Variants in DACH2 observed in about 807,000 individuals in gnomAD.
The protein encoded by DACH2 is dachshund homolog 2.
DACH2 carries 17 observed loss-of-function variants against 35.8 expected under a neutral mutation model. The observed-to-expected ratio is 0.48, with a 90% CI of 0.33 to 0.71. The LOEUF (loss-of-function observed/expected upper bound fraction) is 0.71. Among genes scored for constraint, DACH2 ranks in the 30% least tolerant of loss-of-function variants. The pLI is 0.02. For missense variants in DACH2, 469 were observed against 472.7 expected, an observed-to-expected ratio of 0.99 and a Z score of 0.07; for synonymous variants, 195 against 177.3, an observed-to-expected ratio of 1.10 and a Z score of -0.79.
At chrX:86,311,976 T>C (rs1000396590) in intron 1 of DACH2, among the ~76,000 whole-genome samples, 4 of 111,026 alleles carry the variant, frequency 3.6e-5, no homozygotes, top group African/African-American at 1.3e-4. Context: ...CCAGGCAGGA[T>C]TACAAATGAT....
At chrX:86,606,065 C>A (rs544979794) in intron 3 of DACH2, among the ~76,000 whole-genome samples, 2 of 110,715 alleles carry the variant, frequency 1.8e-5, no homozygotes, top group South Asian at 7.5e-4. Context: ...TGTTTCTTGG[C>A]AATGGTTTGT....
chrX:86,148,802 G>A lies in DACH2; in HGVS notation c.182G>A (p.Gly61Asp). ...AACAGTGCCGGAGGCGGCGGCAGGGGCAACACCAACACCAACGAGTGCCGC... is the reference window on the plus strand; with the variant it reads ...AACAGTGCCGGAGGCGGCGGCAGGGACAACACCAACACCAACGAGTGCCGC... ...HSNSAGGGGR[G>D]NTNTNECRMV... Residue 61 changes from glycine to aspartate, a missense_variant, in exon 1 of 12, where the codon GGC (glycine) becomes GAC (aspartate). By Grantham distance (94) the Gly-to-Asp change is moderately conservative. Coordinates refer to ENST00000373125, the MANE Select transcript of DACH2 (RefSeq NM_053281.3). The A allele has an allele frequency of 8.3e-7, 1 of 1,211,724 alleles. No homozygotes were observed. The highest frequency in any genetic ancestry group is 3.0e-5 in the East Asian group (1 of 33,811).
In DACH2 at chrX:86,698,519, G is replaced by GTTTTTTTTTTTTTTTTTTTTTTTTT. The variant is rs1378300889; in HGVS notation, c.931+3341_931+3342insTTTTTTTTTTTTTTTTTTTTTTTTT. The stretch of plus-strand genomic sequence containing the variant: ...TTCTTCTTTTTGTTTTGTTAGTTTT[G>GTTTTTTTTTTTTTTTTTTTTTTTTT]TGTTTTTTTTTTTTTTTTTTTTTTT... On this transcript the variant is annotated intron_variant, in intron 5 of 11. Transcript: ENST00000373125. Among the ~76,000 whole-genome samples the GTTTTTTTTTTTTTTTTTTTTTTTTT allele has an allele frequency of 5.9e-4, 19 of 32,085 alleles. 2 individuals are homozygous for GTTTTTTTTTTTTTTTTTTTTTTTTT. Among genetic ancestry groups the GTTTTTTTTTTTTTTTTTTTTTTTTT allele is most frequent in the South Asian group, 2.8e-3 (2 of 727 alleles). 27.9% of individuals were successfully genotyped at this position (32,085 alleles called of 115,157 possible).
intron 2 of DACH2, among the ~76,000 whole-genome samples, chrX:86,434,280 A>G (rs1047774219): frequency 3.2e-4 from 36 of 111,876 alleles, no homozygotes; most frequent in African/African-American, 1.1e-3. Flanking sequence ...GTGCATAATA[A>G]TCACATAATG....
At chrX:86,478,404 C>T (rs763132730) in intron 2 of DACH2, among the ~76,000 whole-genome samples, 2 of 110,890 alleles carry the variant, frequency 1.8e-5, no homozygotes, top group South Asian at 7.7e-4. Context: ...TTTTTTCCTT[C>T]AGTACCTTAA....
intron 1 of DACH2, among the ~76,000 whole-genome samples, chrX:86,228,572 C>A (rs2032878387): frequency 9.0e-6 from 1 of 111,058 alleles, no homozygotes; most frequent in African/African-American, 3.3e-5. Context: ...TAGTTTACAT[C>A]CTCACCAGCA....
intron 6 of DACH2, among the ~76,000 whole-genome samples, chrX:86,732,056 G>A (rs2041538177): frequency 8.9e-6 from 1 of 112,111 alleles, no homozygotes; most frequent in Admixed American, 9.5e-5. Flanking sequence ...CATGTTATTT[G>A]TGGCTACTAT....
At chrX:86,355,404 G>C (rs1420337887) in intron 1 of DACH2, among the ~76,000 whole-genome samples, 2 of 112,308 alleles carry the variant, frequency 1.8e-5, no homozygotes, top group East Asian at 5.6e-4. Context: ...TTGAATGGCA[G>C]TTCTGTTTTA....
chrX:86,270,069 C>A (rs1289798410), intron 1 of DACH2, among the ~76,000 whole-genome samples: 2 of 99,602 alleles, frequency 2.0e-5, no homozygotes, highest in African/African-American at 7.4e-5. Context: ...AGTTTACCAC[C>A]TTTTACATGT....
intron 3 of DACH2, among the ~76,000 whole-genome samples, chrX:86,570,683 A>T (rs953656880): frequency 1.8e-5 from 2 of 110,158 alleles, no homozygotes; most frequent in Non-Finnish European, 3.8e-5. Flanking sequence ...ACCATGGCAC[A>T]CGTTTACCTA....
intron 4 of DACH2, among the ~76,000 whole-genome samples, chrX:86,667,259 AAGAG>A (rs1470283157): frequency 1.1e-5 from 1 of 89,583 alleles, no homozygotes; most frequent in Non-Finnish European, 2.1e-5. Flanking sequence ...AAAAAAAAGA[AAGAG>A]AGAGAGAAAG....
intron 1 of DACH2, among the ~76,000 whole-genome samples, chrX:86,258,387 T>A (rs757476666): frequency 3.6e-5 from 4 of 111,082 alleles, no homozygotes; most frequent in Admixed American, 9.6e-5. Flanking sequence ...TTTTCTTTTC[T>A]TTTTTACCCT....
chrX:86,374,439 A>G (rs1188462074), intron 1 of DACH2, among the ~76,000 whole-genome samples: 5 of 110,928 alleles, frequency 4.5e-5, no homozygotes, highest in Non-Finnish European at 7.6e-5. Flanking sequence ...AAGGTTAATC[A>G]ATGTCCTAAT....
chrX:86,812,838 C>T lies in DACH2; in HGVS notation c.1241-18C>T, dbSNP rs1435475594. 4 of 1,170,049 alleles carry T rather than the reference C, an allele frequency of 3.4e-6. No homozygotes were observed. Among genetic ancestry groups the T allele is most frequent in the South Asian group, 2.0e-5 (1 of 50,329 alleles). On this transcript the variant is annotated intron_variant, in intron 7 of 11. Transcript: ENST00000373125. ...CTCTTAATCTGTGAACCTTCTGATA[C>T]TAATTTTGTTTTTGCAGAAGAGGTA...
intron 1 of DACH2, among the ~76,000 whole-genome samples, chrX:86,200,321 C>A (rs2032115999): frequency 9.0e-6 from 1 of 111,389 alleles, no homozygotes; most frequent in African/African-American, 3.3e-5. Flanking sequence ...AAACCCAAAA[C>A]TATAAAAACC....
chrX:86,739,694 AT>A (rs751181683), intron 6 of DACH2, 52 bp from the exon 7 acceptor site: 636 of 1,158,181 alleles, frequency 5.5e-4, no homozygotes, highest in Non-Finnish European at 6.7e-4. Context: ...CTCAACCAAC[AT>A]AAAAACTTGG....
chrX:86,524,059 C>A (rs1166688508), intron 3 of DACH2, among the ~76,000 whole-genome samples: 2 of 112,523 alleles, frequency 1.8e-5, no homozygotes, highest in African/African-American at 6.5e-5. Context: ...CCAAAATTTA[C>A]CTTGGCCTAT....
At chrX:86,482,793 T>A (rs1272002241) in intron 2 of DACH2, among the ~76,000 whole-genome samples, 5 of 110,664 alleles carry the variant, frequency 4.5e-5, no homozygotes, top group East Asian at 5.7e-4. Flanking sequence ...ATATACACCA[T>A]GGAATACTAT....
intron 1 of DACH2, among the ~76,000 whole-genome samples, chrX:86,291,909 A>G (rs2034306365): frequency 1.5e-5 from 1 of 67,250 alleles, no homozygotes; most frequent in Non-Finnish European, 2.6e-5. Context: ...GTCTCTGCCC[A>G]GCTTTGGTAT....
Sources: allele counts gnomAD v4.1 joint callset (sites outside exome capture counted in the v4.1 genomes callset), GRCh38; gene constraint gnomAD v4.1.1; transcripts MANE v1.5; gene names NCBI Gene and HGNC (gene_info 2026-07-23, HGNC 2026-07-21).